The following CFAP46 variants were observed in gnomAD, a reference collection of about 807,000 sequenced individuals.
CFAP46 encodes the protein cilia- and flagella-associated protein 46.
Under a neutral mutation model 325.7 loss-of-function variants are expected in CFAP46, and 245 were observed. The observed-to-expected ratio is 0.75, with a 90% CI of 0.68 to 0.84. The LOEUF (loss-of-function observed/expected upper bound fraction) is 0.84, where lower values mean the gene tolerates loss of function less well. CFAP46 is among the 40% of genes least tolerant of loss of function. CFAP46 has a pLI of 0.00. For synonymous variants in CFAP46, 1,523 were observed against 1,495.9 expected, an observed-to-expected ratio of 1.02 and a Z score of -0.42; for missense variants, 3,346 against 3,543.0, an observed-to-expected ratio of 0.94 and a Z score of 1.41.
chr10:132,937,984 G>T (rs939849243), intron 5 of CFAP46, among the ~76,000 whole-genome samples: 1 of 152,248 alleles, frequency 6.6e-6, no homozygotes, highest in East Asian at 1.9e-4. Context: ...GTGCCGAGGG[G>T]AGCTGCTCTG....
rs570830784 is a variant in CFAP46 at position 132,884,809 on chromosome 10, C to T, written c.3627+294G>A. ...CCTGGTGCCACCAGGGGAGCCTGGG[C>T]GCTTCCACTTGGGGCATCACCCTCT... On this transcript the variant is annotated intron_variant, in intron 27 of 57. Coordinates refer to ENST00000368586, the MANE Select transcript of CFAP46 (RefSeq NM_001200049.3). This position sits in a 1 kb window ranked among gnomAD's most constrained non-coding sequence, Gnocchi z 5.4. Among the ~76,000 whole-genome samples the T allele has an allele frequency of 9.9e-4, 150 of 152,240 alleles. No homozygotes were observed. The Middle Eastern group carries it at 0.01, about 10-fold the overall frequency.
intron 35 of CFAP46, among the ~76,000 whole-genome samples, chr10:132,861,415 G>A (rs1040892613): frequency 6.6e-6 from 1 of 152,268 alleles, no homozygotes. Flanking sequence ...TGAGCTGAGC[G>A]GCAGGAAACT....
At chr10:132,931,851 CTT>C (rs1849912472) in intron 8 of CFAP46, among the ~76,000 whole-genome samples, 1 of 146,728 alleles carries the variant, frequency 6.8e-6, no homozygotes, top group Non-Finnish European at 1.5e-5. Context: ...CCTGGGCCTC[CTT>C]ACACTCCCCA....
intron 13 of CFAP46, 107 bp downstream of exon 13, chr10:132,921,997 C>T (rs1294908087): frequency 7.3e-7 from 1 of 1,363,312 alleles, no homozygotes. Flanking sequence ...CTTGTGCATC[C>T]AGGGGGCGGT....
rs374181361 is a variant in CFAP46 at position 132,823,155 on chromosome 10, G to T, written c.7118-8241C>A. Among the ~76,000 whole-genome samples the T allele has an allele frequency of 4.4e-3, 560 of 128,122 alleles. 38 individuals carry two copies. The highest frequency in any genetic ancestry group is 0.016 in the African/African-American group (529 of 32,978). The allele number at this position is 128,122 out of a possible 152,430, so 84.1% of individuals were successfully genotyped here. On this transcript the variant is annotated intron_variant, in intron 50 of 57. Coordinates refer to ENST00000368586, the MANE Select transcript of CFAP46 (RefSeq NM_001200049.3). ...TGTGCTCTGTGTGCTGATGTGTGCT[G>T]TGTGAGTGATGTGTGCTGTCTGTGC...
At chr10:132,826,698 C>A (rs1208307169) in intron 50 of CFAP46, among the ~76,000 whole-genome samples, 6 of 148,954 alleles carry the variant, frequency 4.0e-5, no homozygotes. Context: ...GCCACGGAGC[C>A]AGGCAGGAGC....
At chr10:132,942,356 T>TGGCGGGTC in intron 1 of CFAP46, 80 bp downstream of exon 1, 2 of 952,524 alleles carry the variant, frequency 2.1e-6, no homozygotes, top group Non-Finnish European at 2.9e-6. Flanking sequence ...GATGAGAGGG[T>TGGCGGGTC]CCGGGGCCTC....
chr10:132,877,947 CT>C lies in CFAP46; in HGVS notation c.4145del (p.Glu1382GlyfsTer38). On this transcript the variant is annotated frameshift_variant, in exon 30 of 58. Transcript: ENST00000368586. LOFTEE classifies it high-confidence loss of function. The surrounding 1 kb of genome is among the most constrained non-coding windows in gnomAD (Gnocchi z 5.7). Reference sequence around the variant, plus strand: ...TGTCCTTCTCTTTACTCCTCTCATTCTCCTTCTCTTTACTCCTCTCCTTCTC... The same window carrying C: ...TGTCCTTCTCTTTACTCCTCTCATTCCCTTCTCTTTACTCCTCTCCTTCTC... ...EKEKERSKEK[E>X]NERSKEKDKE... The C allele has an allele frequency of 6.5e-7, 1 of 1,549,154 alleles. No individual in the cohort carries two copies. Among genetic ancestry groups the C allele is most frequent in the Middle Eastern group, 1.7e-4 (1 of 5,982 alleles).
At chr10:132,809,477 G>T (rs1417649749) in intron 57 of CFAP46, among the ~76,000 whole-genome samples, 1 of 151,856 alleles carries the variant, frequency 6.6e-6, no homozygotes, top group East Asian at 1.9e-4. Flanking sequence ...CCTGCCCCTC[G>T]CTCCCTCTCT....
intron 8 of CFAP46, among the ~76,000 whole-genome samples, chr10:132,930,603 T>C (rs1849881690): frequency 1.2e-5 from 1 of 84,822 alleles, no homozygotes; most frequent in Non-Finnish European, 2.2e-5. Flanking sequence ...CTCCCCACAC[T>C]CCCCACACAG....
In CFAP46 at chr10:132,847,450, C is replaced by T; in HGVS notation, c.5953-129G>A. On this transcript the variant is annotated intron_variant, in intron 41 of 57. Transcript: ENST00000368586. The surrounding 1 kb of genome is among the most constrained non-coding windows in gnomAD (Gnocchi z 5.2). ...GTCCCCGGGTAGGGGGTACCGCAGG[C>T]CACAGCATGGCCTCTCACTATCCCA... 9.4e-7 allele frequency: 1 copy of T among 1,060,766 alleles called. No homozygotes were observed. Among genetic ancestry groups the T allele is most frequent in the South Asian group, 1.4e-5 (1 of 70,270 alleles). The allele number at this position is 1,060,766 out of a possible 1,614,324, so 65.7% of individuals were successfully genotyped here. A position where few individuals can be genotyped will look rare whatever the true frequency, so the allele number is the denominator to read the frequency against.
chr10:132,859,995 C>T (rs540763959), intron 37 of CFAP46, among the ~76,000 whole-genome samples: 2 of 152,312 alleles, frequency 1.3e-5, no homozygotes, highest in South Asian at 2.1e-4. Flanking sequence ...TCGGAGGTTG[C>T]GGTGAGCTGA....
intron 46 of CFAP46, 58 bp downstream of exon 46, chr10:132,836,084 T>A: frequency 1.0e-6 from 1 of 995,684 alleles, no homozygotes; most frequent in Non-Finnish European, 1.4e-6. Context: ...ACCTCCCCAC[T>A]CTCGCCCATG....
chr10:132,925,226 C>T (rs767204290), intron 10 of CFAP46, among the ~76,000 whole-genome samples: 23 of 152,250 alleles, frequency 1.5e-4, no homozygotes, highest in Non-Finnish European at 2.8e-4. Flanking sequence ...ATGCCTCCTC[C>T]GGTCTGTGCT....
intron 40 of CFAP46, 134 bp from the exon 41 acceptor site, chr10:132,850,566 C>T (rs1406629418): frequency 7.0e-6 from 6 of 857,456 alleles, no homozygotes; most frequent in East Asian, 2.7e-5. Flanking sequence ...AGCCTTGCCC[C>T]GCAGGGAGGG....
At position 132,935,740 on chromosome 10, in the gene CFAP46, T is replaced by A. The variant is rs1390675283; in HGVS notation, c.756-878A>T. 2.7e-5 allele frequency among the ~76,000 whole-genome samples: 3 copies of A among 110,222 alleles called. 1 individual carries two copies. The highest frequency in any genetic ancestry group is 1.2e-4 in the African/African-American group (3 of 25,508). 72.3% of individuals were successfully genotyped at this position (110,222 alleles called of 152,430 possible). On this transcript the variant is annotated intron_variant, in intron 7 of 57. Coordinates refer to ENST00000368586, the MANE Select transcript of CFAP46 (RefSeq NM_001200049.3). ...CTCCCCTCGGCACCCAAACACACTGTGATCTCCTCACAGCCCTCAGCACCC... is the reference window on the plus strand; with the variant it reads ...CTCCCCTCGGCACCCAAACACACTGAGATCTCCTCACAGCCCTCAGCACCC...
intron 54 of CFAP46, 51 bp from the exon 55 acceptor site, chr10:132,812,948 A>T: frequency 6.8e-7 from 1 of 1,459,888 alleles, no homozygotes. Context: ...CCTGTACCAG[A>T]CCCCACCGTG....
rs561804641 is a variant in CFAP46, at chr10:132,908,369, T to G, written c.2924+99A>C. On this transcript the variant is annotated intron_variant, in intron 22 of 57. Transcript: ENST00000368586. ...GCGCTCCCTGCCCGTTTTGGGGAACTGGTGGGGCGCTCACCTGCTCCCTGA... is the reference window on the plus strand; with the variant it reads ...GCGCTCCCTGCCCGTTTTGGGGAACGGGTGGGGCGCTCACCTGCTCCCTGA... The G allele has an allele frequency of 6.7e-5, 94 of 1,413,382 alleles. No homozygotes were observed. In the Admixed American group the frequency reaches 7.7e-4, roughly 12 times the overall value. 87.6% of individuals were successfully genotyped at this position (1,413,382 alleles called of 1,614,324 possible).
rs915562887 is a variant in CFAP46 at position 132,916,578 on chromosome 10, C to T, written c.2091G>A (p.Pro697=). The T allele has an allele frequency of 2.2e-5, 34 of 1,547,892 alleles. No individual in the cohort carries two copies. The highest frequency in any genetic ancestry group is 1.2e-4 in the East Asian group (5 of 40,544). ...QHPAGYVPEP[P]EVNAEWITYR... ...ATGTGATCCACTCAGCATTCACCTC[C>T]GGGGGCTCAGGCACGTAGCCAGCTG... Residue 697 remains proline, a synonymous_variant, in exon 17 of 58, where the codon CCG becomes CCA. Coordinates refer to ENST00000368586, the MANE Select transcript of CFAP46 (RefSeq NM_001200049.3).
Sources: allele counts gnomAD v4.1 joint callset (sites outside exome capture counted in the v4.1 genomes callset), GRCh38; gene constraint gnomAD v4.1.1; non-coding constraint Gnocchi (gnomAD v3.1); transcripts MANE v1.5; gene names NCBI Gene and HGNC (gene_info 2026-07-23, HGNC 2026-07-21).